The following YJU2 variants were observed in gnomAD, a reference collection of about 807,000 sequenced individuals.
YJU2 encodes the protein YJU2 splicing factor homolog.
A neutral mutation model predicts 39.6 loss-of-function variants in YJU2; 28 were observed. That is an observed-to-expected ratio of 0.71 (90% CI 0.52 to 0.97). The LOEUF (loss-of-function observed/expected upper bound fraction) is 0.97. Ranked by LOEUF, YJU2 falls within the 50% of genes least tolerant of loss-of-function variation. YJU2 has a pLI of 0.00. For missense variants in YJU2, 328 were observed against 430.4 expected, an observed-to-expected ratio of 0.76 and a Z score of 2.11; for synonymous variants, 184 against 182.4, an observed-to-expected ratio of 1.01 and a Z score of -0.07.
chr19:4,267,553 G>A (rs1971124856), intron 6 of YJU2, 71 bp from the exon 7 acceptor site: 9 of 1,511,138 alleles, frequency 6.0e-6, no homozygotes, highest in South Asian at 2.4e-5. Flanking sequence ...AGTGAGCAGG[G>A]GTTGTGGCGA....
rs1970931814 is a variant in YJU2, at chr19:4,247,577, TG to T, written c.24+409del. 3.7e-4 allele frequency among the ~76,000 whole-genome samples: 15 copies of T among 40,962 alleles called. 4 individuals carry two copies. The highest frequency in any genetic ancestry group is 3.2e-3 in the African/African-American group (15 of 4,748). The allele number at this position is 40,962 out of a possible 152,430, so 26.9% of individuals were successfully genotyped here. A position where few individuals can be genotyped will look rare whatever the true frequency, so the allele number is the denominator to read the frequency against. On this transcript the variant is annotated intron_variant, in intron 1 of 7. Transcript: ENST00000262962. ...GTACTTTGGGTGGGGTGGGGTGGGG[TG>T]GCGCGTGTGTGTGTGTGTGTGTGTG... is the stretch of plus-strand genomic sequence containing the variant.
At chr19:4,261,965 C>T (rs78015843) in intron 5 of YJU2, 29 bp from the exon 6 acceptor site, 19,528 of 1,608,838 alleles carry the variant, frequency 0.012, 136 homozygotes, top group Non-Finnish European at 0.014. Flanking sequence ...AAACAGAGCA[C>T]GTCCAAGTTC....
chr19:4,258,488 G>GC, intron 5 of YJU2, 65 bp downstream of exon 5: 3 of 1,516,118 alleles, frequency 2.0e-6, no homozygotes, highest in Non-Finnish European at 2.7e-6. Flanking sequence ...CGCTGCCTCT[G>GC]CCCCAGACCC....
chr19:4,263,426 A>G (rs1971088486), intron 6 of YJU2, among the ~76,000 whole-genome samples: 1 of 152,188 alleles, frequency 6.6e-6, no homozygotes. Context: ...GCCAGAGGCC[A>G]CAGCATAGTC....
intron 2 of YJU2, among the ~76,000 whole-genome samples, 154 bp from the exon 3 acceptor site, chr19:4,250,873 T>C (rs1233603101): frequency 6.6e-6 from 1 of 151,616 alleles, no homozygotes; most frequent in Non-Finnish European, 1.5e-5. Flanking sequence ...TAGAGGAAAT[T>C]TGGACACAGG....
rs1971075796 is a variant in YJU2 at position 4,262,098 on chromosome 19, C to A, written c.692C>A (p.Thr231Asn). 10 of 1,610,498 alleles carry A rather than the reference C, an allele frequency of 6.2e-6. No homozygotes were observed. Among genetic ancestry groups the A allele is most frequent in the Non-Finnish European group, 8.5e-6 (10 of 1,179,786 alleles). ...PLQPALRPNP[T>N]AILDEAPKPK... ...CAGCCAGCCCTTCGGCCCAACCCCACCGCCATCCTGGATGAGGTAAGTGGG... is the reference window on the plus strand; with the variant it reads ...CAGCCAGCCCTTCGGCCCAACCCCAACGCCATCCTGGATGAGGTAAGTGGG... Residue 231 changes from threonine (T) to asparagine (N), a missense_variant, in exon 6 of 8, where the codon ACC becomes AAC. Physicochemically the swap from Thr to Asn is moderately conservative, Grantham distance 65. Coordinates refer to ENST00000262962, the MANE Select transcript of YJU2 (RefSeq NM_018074.6).
intron 3 of YJU2, among the ~76,000 whole-genome samples, chr19:4,253,511 G>A (rs772395710): frequency 6.6e-6 from 1 of 151,934 alleles, no homozygotes; most frequent in Non-Finnish European, 1.5e-5. Context: ...AACCCGGGAG[G>A]CTGAGGTTGC....
intron 5 of YJU2, among the ~76,000 whole-genome samples, chr19:4,259,325 C>T (rs1475519408): frequency 3.3e-5 from 5 of 151,878 alleles, no homozygotes; most frequent in Admixed American, 1.3e-4. Flanking sequence ...GTGATCCGCC[C>T]GCCTCGGCCT....
At position 4,258,436 on chromosome 19, in the gene YJU2, C is replaced by T. The variant is rs541052980; in HGVS notation, c.587+13C>T. ...AGCAGGAGACCGCGTGAGTCAGGGC[C>T]GGCCCAACCCAGCCCCACCTCGCAG... On this transcript the variant is annotated intron_variant, in intron 5 of 7. Coordinates refer to ENST00000262962, the MANE Select transcript of YJU2 (RefSeq NM_018074.6). The T allele has an allele frequency of 1.7e-5, 26 of 1,569,084 alleles. No homozygotes were observed. The highest frequency in any genetic ancestry group is 5.4e-5 in the African/African-American group (4 of 74,472).
chr19:4,255,076 TAGTC>T (rs1296991752), intron 4 of YJU2, among the ~76,000 whole-genome samples: 2 of 125,848 alleles, frequency 1.6e-5, no homozygotes, highest in Non-Finnish European at 3.2e-5. Context: ...AAAAAAAAAT[TAGTC>T]AAGCATGGTG....
At chr19:4,268,391 C>T (rs1455791499) in intron 7 of YJU2, among the ~76,000 whole-genome samples, 193 bp from the exon 8 acceptor site, 2 of 152,228 alleles carry the variant, frequency 1.3e-5, no homozygotes, top group African/African-American at 4.8e-5. Context: ...TGTTCAGAAG[C>T]GGAGCTGTTG....
At chr19:4,258,198 G>A (rs1207758406) in intron 4 of YJU2, 44 bp from the exon 5 acceptor site, 4 of 1,542,380 alleles carry the variant, frequency 2.6e-6, no homozygotes, top group Middle Eastern at 1.8e-4. Flanking sequence ...TTGCCCCGTG[G>A]TGCGATCCCC....
chr19:4,255,598 A>G (rs186479158), intron 4 of YJU2, among the ~76,000 whole-genome samples: 2 of 151,868 alleles, frequency 1.3e-5, no homozygotes, highest in African/African-American at 4.8e-5. Context: ...GCATGGTGGC[A>G]GACACCTGTA....
At chr19:4,250,563 A>G (rs1179024512) in intron 2 of YJU2, among the ~76,000 whole-genome samples, 5 of 152,058 alleles carry the variant, frequency 3.3e-5, no homozygotes, top group African/African-American at 4.8e-5. Context: ...GTCGCCGGCC[A>G]TGAGACTGTA....
chr19:4,268,556 G>A (rs1489522444), intron 7 of YJU2, 28 bp from the exon 8 acceptor site: 1 of 1,527,640 alleles, frequency 6.5e-7, no homozygotes, highest in African/African-American at 1.4e-5. Flanking sequence ...GTGGAGCTGA[G>A]ATGAGCTAAC....
At position 4,263,136 on chromosome 19, in the gene YJU2, CG is replaced by C. The variant is rs1375051777; in HGVS notation, c.708+1023del. On this transcript the variant is annotated intron_variant, in intron 6 of 7. Transcript: ENST00000262962. ...GTGGCAGGCCTATGGGTCTGTAATT[CG>C]CCAACCCCTGTTTAAGCTGCCGAAA... Among the ~76,000 whole-genome samples the C allele has an allele frequency of 3.3e-5, 5 of 151,032 alleles. No individual in the cohort carries two copies. The South Asian group carries it at 1.0e-3, about 32-fold the overall frequency.
At chr19:4,247,191 G>A in intron 1 of YJU2, 21 bp downstream of exon 1, 1 of 1,612,244 alleles carries the variant, frequency 6.2e-7, no homozygotes, top group South Asian at 1.1e-5. Flanking sequence ...GGCGACTGGG[G>A]CTTTTCAATC....
At chr19:4,255,585 C>T (rs148760093) in intron 4 of YJU2, among the ~76,000 whole-genome samples, 1,611 of 151,672 alleles carry the variant, frequency 0.011, 24 homozygotes, top group African/African-American at 0.037. Flanking sequence ...AAAAATTAGC[C>T]GGGCATGGTG....
At chr19:4,254,941 A>G (rs1176260574) in intron 4 of YJU2, among the ~76,000 whole-genome samples, 1 of 151,898 alleles carries the variant, frequency 6.6e-6, no homozygotes, top group East Asian at 1.9e-4. Flanking sequence ...CTGGAATTAC[A>G]GCTACTCAGG....
Sources: gnomAD v4.1 joint callset for allele counts (sites outside exome capture counted in the v4.1 genomes callset) on GRCh38, gnomAD v4.1.1 for gene constraint, MANE v1.5 for transcripts, NCBI Gene and HGNC (gene_info 2026-07-23, HGNC 2026-07-21) for gene names.